TIAM1: variants seen among roughly 807,000 people sequenced by gnomAD.
The protein encoded by TIAM1 is TIAM Rac1 associated GEF 1.
In TIAM1, 65 loss-of-function variants were observed where a neutral mutation model predicts 163.5. The observed-to-expected ratio is 0.40, with a 90% CI of 0.33 to 0.49. TIAM1 has a LOEUF of 0.49. TIAM1 is among the 20% of genes least tolerant of loss of function. TIAM1 has a pLI of 0.77. For missense variants in TIAM1, 1,789 were observed against 2,044.7 expected (o/e 0.87, Z 2.41); for synonymous variants, 833 against 810.1 (o/e 1.03, Z -0.48).
chr21:31,244,594 A>G (rs1189752954), intron 6 of TIAM1, among the ~76,000 whole-genome samples: 1 of 152,176 alleles, frequency 6.6e-6, no homozygotes, highest in Non-Finnish European at 1.5e-5. Flanking sequence ...GCGTGGCAGC[A>G]GGTGCCTATA....
chr21:31,482,472 G>A (rs1400791319), intron 1 of TIAM1, among the ~76,000 whole-genome samples: 1 of 152,098 alleles, frequency 6.6e-6, no homozygotes, highest in Non-Finnish European at 1.5e-5. Context: ...CAGAAATTCT[G>A]CCTTGCACAC....
intron 1 of TIAM1, among the ~76,000 whole-genome samples, chr21:31,523,162 G>A (rs1438316193): frequency 6.6e-6 from 1 of 152,182 alleles, no homozygotes; most frequent in Non-Finnish European, 1.5e-5. Context: ...AAACATGTAA[G>A]TTATGTTTAT....
At chr21:31,477,468 A>G (rs1184606844) in intron 1 of TIAM1, among the ~76,000 whole-genome samples, 1 of 131,790 alleles carries the variant, frequency 7.6e-6, no homozygotes, top group Non-Finnish European at 1.5e-5. Flanking sequence ...AAAGGGAACT[A>G]AATGCATTTT....
chr21:31,225,821 G>T lies in TIAM1; in HGVS notation c.1714C>A (p.Gln572Lys). The T allele has an allele frequency of 6.2e-7, 1 of 1,614,142 alleles. No individual in the cohort carries two copies. ...LLKSEIKKLE[Q>K]KIDMDEKMKK... ...ATCTTTTCATCCATGTCAATCTTCT[G>T]TTCCAGTTTTTTGATCTCTGATTTC... The change falls in exon 7 of 28, where the codon CAG (glutamine) becomes AAG (lysine). Residue 572 changes from glutamine (Q) to lysine (K), a missense_variant. Gln to Lys is a moderately conservative substitution (Grantham distance 53). Coordinates refer to ENST00000541036, the MANE Select transcript of TIAM1 (RefSeq NM_001353694.2).
intron 1 of TIAM1, among the ~76,000 whole-genome samples, chr21:31,509,459 C>T (rs1345961184): frequency 6.6e-6 from 1 of 152,232 alleles, no homozygotes; most frequent in East Asian, 1.9e-4. Context: ...TTCCCACCCG[C>T]TCCTCGGGCA....
chr21:31,274,863 C>CT (rs1481432927), intron 3 of TIAM1, among the ~76,000 whole-genome samples: 1 of 150,646 alleles, frequency 6.6e-6, no homozygotes, highest in African/African-American at 2.4e-5. Flanking sequence ...AATCCCAGCA[C>CT]TTTGAGAGGC....
At chr21:31,362,651 G>C (rs1267645679) in intron 2 of TIAM1, among the ~76,000 whole-genome samples, 3 of 151,780 alleles carry the variant, frequency 2.0e-5, no homozygotes, top group African/African-American at 4.8e-5. Context: ...ATTTTTAGTA[G>C]AGATGGGGTT....
At chr21:31,473,101 C>T (rs56292220) in intron 1 of TIAM1, among the ~76,000 whole-genome samples, 4,588 of 152,086 alleles carry the variant, frequency 0.03, 235 homozygotes, top group African/African-American at 0.1. Flanking sequence ...TGGGGTTTTC[C>T]CACTCTGTTG....
intron 2 of TIAM1, among the ~76,000 whole-genome samples, chr21:31,414,835 C>T (rs1431366214): frequency 6.6e-6 from 1 of 152,206 alleles, no homozygotes; most frequent in African/African-American, 2.4e-5. Flanking sequence ...ATATGTCAAC[C>T]AAACGAAGAG....
At chr21:31,159,397 T>C (rs1465332488) in intron 16 of TIAM1, among the ~76,000 whole-genome samples, 1 of 152,178 alleles carries the variant, frequency 6.6e-6, no homozygotes, top group Non-Finnish European at 1.5e-5. Flanking sequence ...CCCAGCTGTT[T>C]AAGCTCTTCC....
intron 16 of TIAM1, among the ~76,000 whole-genome samples, chr21:31,163,385 T>C (rs918124879): frequency 1.3e-5 from 2 of 152,202 alleles, no homozygotes; most frequent in African/African-American, 2.4e-5. Flanking sequence ...CTTTAAGCAG[T>C]TGGTTTTTTA....
At chr21:31,467,946 C>T (rs975312728) in intron 1 of TIAM1, among the ~76,000 whole-genome samples, 3 of 151,444 alleles carry the variant, frequency 2.0e-5, no homozygotes, top group African/African-American at 4.9e-5. Context: ...ATTAGCTGGA[C>T]GTGGTGGTGG....
chr21:31,162,293 A>C (rs2146355429), intron 16 of TIAM1, among the ~76,000 whole-genome samples: 1 of 152,338 alleles, frequency 6.6e-6, no homozygotes, highest in Middle Eastern at 3.4e-3. Context: ...ACAGTGCCTA[A>C]TATATACAAG....
intron 2 of TIAM1, among the ~76,000 whole-genome samples, chr21:31,284,311 A>C (rs1193640338): frequency 3.3e-5 from 5 of 152,116 alleles, no homozygotes; most frequent in Non-Finnish European, 7.3e-5. Flanking sequence ...AAATCAAATC[A>C]CTTTATCCAA....
At position 31,146,901 on chromosome 21, in the gene TIAM1, C is replaced by G. The variant is rs1281364191; in HGVS notation, c.3469G>C (p.Val1157Leu). The G allele has an allele frequency of 6.2e-7, 1 of 1,614,006 alleles. No individual in the cohort carries two copies. Among genetic ancestry groups the G allele is most frequent in the South Asian group, 1.1e-5 (1 of 91,068 alleles). ...ACATCCTCAGAGGCCTTACCTTTCA[C>G]CAGGACCTTGGGAACTTTTGTGTGG... Reference protein sequence around the residue: ...ASHTKVPKVLVKAKTDTAFKA... With the variant: ...ASHTKVPKVLLKAKTDTAFKA... The change falls in exon 20 of 28, where the codon GTG (valine) becomes CTG (leucine). Residue 1157 changes from valine (V) to leucine (L), a missense_variant. Physicochemically the swap from Val to Leu is conservative, Grantham distance 32. Coordinates refer to ENST00000541036, the MANE Select transcript of TIAM1 (RefSeq NM_001353694.2).
intron 5 of TIAM1, among the ~76,000 whole-genome samples, chr21:31,250,552 T>C (rs958322353): frequency 6.6e-6 from 1 of 152,186 alleles, no homozygotes; most frequent in African/African-American, 2.4e-5. Context: ...GTCTCTAGGA[T>C]TGCATGTTCC....
At chr21:31,346,707 G>T (rs183743298), upstream of TIAM1, among the ~76,000 whole-genome samples, 5 of 152,268 alleles carry the variant, frequency 3.3e-5, no homozygotes, top group African/African-American at 1.2e-4. Context: ...ACAGGAAGGC[G>T]CTTCATCTCA....
chr21:31,403,394 G>A (rs910449982), intron 2 of TIAM1, among the ~76,000 whole-genome samples: 9 of 152,222 alleles, frequency 5.9e-5, no homozygotes, highest in Admixed American at 2.0e-4. Context: ...TGATCCGCCC[G>A]CCTAGGCCTC....
intron 13 of TIAM1, 54 bp from the exon 14 acceptor site, chr21:31,187,141 C>G (rs2085341791): frequency 6.5e-7 from 1 of 1,541,770 alleles, no homozygotes; most frequent in South Asian, 1.1e-5. Flanking sequence ...GAATGTTTAG[C>G]AAACAACAGG....
Sources: gnomAD v4.1 joint callset for allele counts (sites outside exome capture counted in the v4.1 genomes callset) on GRCh38, gnomAD v4.1.1 for gene constraint, MANE v1.5 for transcripts, NCBI Gene and HGNC (gene_info 2026-07-23, HGNC 2026-07-21) for gene names.